Variants in SLC7A14 observed in about 807,000 individuals in gnomAD.
The protein encoded by SLC7A14 is gamma-aminobutyric acid transporter SLC7A14.
A neutral mutation model predicts 60.2 loss-of-function variants in SLC7A14; 37 were observed. The observed-to-expected ratio is 0.61, with a 90% CI of 0.47 to 0.81. The LOEUF is 0.81. SLC7A14 is among the 30% of genes least tolerant of loss of function. SLC7A14 has a pLI of 0.00. For synonymous variants in SLC7A14, 399 were observed against 395.8 expected (o/e 1.01, Z -0.10); for missense variants, 886 against 982.7 (o/e 0.90, Z 1.32).
intron 4 of SLC7A14, chr3:170,496,449 C>A (rs1450360394): frequency 3.2e-6 from 4 of 1,260,318 alleles, no homozygotes; most frequent in East Asian, 2.3e-5. Context: ...AGATACCGAG[C>A]AGCGTGGGGA....
chr3:170,529,258 A>C (rs978873414), intron 1 of SLC7A14, among the ~76,000 whole-genome samples: 21 of 152,202 alleles, frequency 1.4e-4, no homozygotes, highest in African/African-American at 4.8e-4. Context: ...GAATGGACAT[A>C]TATATATGTG....
intron 3 of SLC7A14, among the ~76,000 whole-genome samples, chr3:170,499,236 CAAAAAAAAAAA>C (rs11336080): frequency 2.2e-4 from 13 of 59,934 alleles, no homozygotes; most frequent in African/African-American, 1.0e-4. Context: ...GACTCTGTCT[CAAAAAAAAAAA>C]AAAAAAAAAA....
rs150209127 is a variant in SLC7A14, at chr3:170,467,274, A to G, written c.2097T>C (p.Asp699=). 2.0e-5 allele frequency: 32 copies of G among 1,614,136 alleles called. No homozygotes were observed. The highest frequency in any genetic ancestry group is 2.5e-5 in the Non-Finnish European group (30 of 1,180,044). Residue 699 remains aspartate (D), a synonymous_variant, in exon 8 of 8, where the codon GAT becomes GAC. Transcript: ENST00000231706. ...HQSTYQRYDV[D]DPFSVEEGFS... ...AACCCTCCTCCACTGAGAAGGGGTC[A>G]TCCACGTCGTAGCGTTGGTACGTGC... is the stretch of plus-strand genomic sequence containing the variant.
intron 2 of SLC7A14, among the ~76,000 whole-genome samples, chr3:170,518,214 G>T (rs1323595441): frequency 6.6e-6 from 1 of 152,138 alleles, no homozygotes; most frequent in East Asian, 1.9e-4. Context: ...TCCATGGTGT[G>T]CTACACGCAA....
Position 170,585,243 on chromosome 3 carries a change from CT to C in SLC7A14, c.-153+667del, listed in dbSNP as rs1027674667. On this transcript the variant is annotated intron_variant, in intron 1 of 7. Coordinates refer to ENST00000231706, the MANE Select transcript of SLC7A14 (RefSeq NM_020949.3). This position sits in a 1 kb window ranked among gnomAD's most constrained non-coding sequence, Gnocchi z 5.1. ...GGGGCTGCCGGCTCTGGGCAGGGAG[CT>C]TCCCTGGACACCGCTCCCGTCACGT... Among the ~76,000 whole-genome samples, 40 of 152,148 alleles carry C rather than the reference CT, an allele frequency of 2.6e-4. No homozygotes were observed. The highest frequency in any genetic ancestry group is 9.4e-4 in the African/African-American group (39 of 41,454).
chr3:170,502,556 G>C (rs1712648984), intron 2 of SLC7A14, among the ~76,000 whole-genome samples: 1 of 152,108 alleles, frequency 6.6e-6, no homozygotes, highest in African/African-American at 2.4e-5. Context: ...ACATACCAGG[G>C]GTGGGATGTA....
At chr3:170,558,652 T>G (rs1714551478) in intron 1 of SLC7A14, among the ~76,000 whole-genome samples, 1 of 152,192 alleles carries the variant, frequency 6.6e-6, no homozygotes, top group African/African-American at 2.4e-5. Context: ...TGTGAGTAGC[T>G]CAGTACTAAG....
chr3:170,581,825 G>A (rs891450716), intron 1 of SLC7A14, among the ~76,000 whole-genome samples: 1 of 152,182 alleles, frequency 6.6e-6, no homozygotes, highest in African/African-American at 2.4e-5. Context: ...TGGAGCTCTA[G>A]AGGGCCTCAT....
intron 1 of SLC7A14, among the ~76,000 whole-genome samples, chr3:170,580,008 T>C (rs1350654414): frequency 6.6e-6 from 1 of 152,102 alleles, no homozygotes; most frequent in Non-Finnish European, 1.5e-5. Flanking sequence ...AGAAGTGTGG[T>C]TATTAGGGTA....
At chr3:170,553,222 G>T (rs1414221247) in intron 1 of SLC7A14, among the ~76,000 whole-genome samples, 1 of 152,170 alleles carries the variant, frequency 6.6e-6, no homozygotes, top group Admixed American at 6.6e-5. Context: ...CAAGCACAGT[G>T]CCTAGCATAT....
At chr3:170,581,964 T>C (rs1193988744) in intron 1 of SLC7A14, among the ~76,000 whole-genome samples, 1 of 152,190 alleles carries the variant, frequency 6.6e-6, no homozygotes, top group African/African-American at 2.4e-5. Flanking sequence ...ACATGTAATC[T>C]ATAAACTTGG....
chr3:170,507,953 C>T (rs1007995405), intron 2 of SLC7A14, among the ~76,000 whole-genome samples: 1 of 152,146 alleles, frequency 6.6e-6, no homozygotes, highest in Admixed American at 6.6e-5. Flanking sequence ...GTCAGTTGCT[C>T]ATCAGAGTTG....
chr3:170,512,094 G>C (rs563566055), intron 2 of SLC7A14, among the ~76,000 whole-genome samples: 1 of 152,228 alleles, frequency 6.6e-6, no homozygotes, highest in Non-Finnish European at 1.5e-5. Context: ...GAAGCAGGCA[G>C]TGTCCCATTT....
intron 1 of SLC7A14, among the ~76,000 whole-genome samples, chr3:170,531,819 C>G (rs903105293): frequency 6.6e-6 from 1 of 152,156 alleles, no homozygotes; most frequent in Non-Finnish European, 1.5e-5. Flanking sequence ...CTAAGGAAGG[C>G]TTACAGGGCC....
chr3:170,534,001 A>G (rs774458284), intron 1 of SLC7A14, among the ~76,000 whole-genome samples: 12 of 152,240 alleles, frequency 7.9e-5, no homozygotes, highest in Non-Finnish European at 1.6e-4. Flanking sequence ...TGCATATTTT[A>G]GCTATGCAAA....
intron 2 of SLC7A14, among the ~76,000 whole-genome samples, chr3:170,509,204 T>C (rs1712884510): frequency 6.6e-6 from 1 of 152,198 alleles, no homozygotes; most frequent in South Asian, 2.1e-4. Context: ...AAGCAATTTG[T>C]CTGGGAATGC....
chr3:170,555,325 T>A (rs1202613944), intron 1 of SLC7A14, among the ~76,000 whole-genome samples: 2 of 152,018 alleles, frequency 1.3e-5, no homozygotes, highest in Non-Finnish European at 2.9e-5. Context: ...ACTGTTAACA[T>A]TTTGGTTGAA....
chr3:170,489,949 T>G, intron 4 of SLC7A14, among the ~76,000 whole-genome samples: 1 of 146,650 alleles, frequency 6.8e-6, no homozygotes, highest in African/African-American at 2.6e-5. Context: ...CTGGGAAGGA[T>G]AGTTGGGGGC....
rs536886650 is a variant in SLC7A14 at position 170,550,197 on chromosome 3, A to G, written c.-152-23109T>C. ...CTAAGCTGAAATGAAGTTCATAGATAATATAACCAACCCACAAACATTATT... is the reference window on the plus strand; with the variant it reads ...CTAAGCTGAAATGAAGTTCATAGATGATATAACCAACCCACAAACATTATT... On this transcript the variant is annotated intron_variant, in intron 1 of 7. Coordinates refer to ENST00000231706, the MANE Select transcript of SLC7A14 (RefSeq NM_020949.3). Among the ~76,000 whole-genome samples the G allele has an allele frequency of 2.6e-5, 4 of 152,372 alleles. No individual in the cohort carries two copies. In the East Asian group the frequency reaches 7.7e-4, roughly 29 times the overall value.
Sources: allele counts gnomAD v4.1 joint callset (sites outside exome capture counted in the v4.1 genomes callset), GRCh38; gene constraint gnomAD v4.1.1; non-coding constraint Gnocchi (gnomAD v3.1); transcripts MANE v1.5; gene names NCBI Gene and HGNC (gene_info 2026-07-23, HGNC 2026-07-21).